Variants in IRAK4 observed in about 807,000 individuals in gnomAD.
The protein encoded by IRAK4 is interleukin 1 receptor associated kinase 4.
IRAK4 carries 44 observed loss-of-function variants against 51.8 expected under a neutral mutation model. The ratio of observed to expected loss-of-function variants is 0.85; its 90% CI spans 0.67 to 1.09. The LOEUF (loss-of-function observed/expected upper bound fraction) is 1.09, where lower values mean the gene tolerates loss of function less well. Among genes scored for constraint, IRAK4 ranks in the 50% least tolerant of loss-of-function variants. IRAK4 has a pLI of 0.00. For synonymous variants in IRAK4, 149 were observed against 174.1 expected (o/e 0.86, Z 1.13); for missense variants, 487 against 538.0 (o/e 0.91, Z 0.94).
At chr12:43,770,502 A>G (rs4238087) in intron 2 of IRAK4, among the ~76,000 whole-genome samples, 15,408 of 152,242 alleles carry the variant, frequency 0.1, 972 homozygotes, top group Middle Eastern at 0.19. Context: ...TAGTAAATTC[A>G]TATGATAATC....
chr12:43,780,414 A>T (rs929429594), intron 8 of IRAK4, among the ~76,000 whole-genome samples: 1 of 151,946 alleles, frequency 6.6e-6, no homozygotes, highest in Non-Finnish European at 1.5e-5. Flanking sequence ...TGGAAGAGAG[A>T]AATGAGATGA....
In IRAK4 at chr12:43,786,960, A is replaced by G. The variant is rs187201106; in HGVS notation, c.*245A>G. On this transcript the variant is annotated 3_prime_UTR_variant, in exon 12 of 12. Coordinates refer to ENST00000613694, the MANE Select transcript of IRAK4 (RefSeq NM_016123.4). ...AATCCCTGAGAAATCTCCTTCAAGC[A>G]TCACCAAACACAGTTTGAAAATTAC... is the stretch of plus-strand genomic sequence containing the variant. 3.7e-6 allele frequency: 2 copies of G among 535,040 alleles called. No individual in the cohort carries two copies. The highest frequency in any genetic ancestry group is 6.2e-5 in the East Asian group (2 of 32,040). 33.1% of individuals were successfully genotyped at this position (535,040 alleles called of 1,614,324 possible).
intron 1 of IRAK4, among the ~76,000 whole-genome samples, chr12:43,759,979 G>C (rs1193213946): frequency 2.0e-5 from 3 of 151,994 alleles, no homozygotes; most frequent in African/African-American, 7.2e-5. Context: ...AACTGCCCAA[G>C]GCCCCTGGTA....
intron 2 of IRAK4, 136 bp from the exon 3 acceptor site, chr12:43,771,084 G>T: frequency 1.2e-6 from 1 of 802,974 alleles, no homozygotes; most frequent in South Asian, 1.5e-5. Flanking sequence ...CTCGATCTTG[G>T]ACTTCCCAGC....
intron 10 of IRAK4, 80 bp from the exon 11 acceptor site, chr12:43,786,319 A>C: frequency 2.3e-6 from 2 of 866,336 alleles, no homozygotes; most frequent in Middle Eastern, 3.9e-4. Context: ...AAAGTAGATT[A>C]ATTTAAATAA....
At chr12:43,768,317 T>C (rs768334745) in intron 2 of IRAK4, 45 bp downstream of exon 2, 1 of 1,411,496 alleles carries the variant, frequency 7.1e-7, no homozygotes, top group African/African-American at 1.4e-5. Flanking sequence ...TACATCACAA[T>C]ATGGAATGAT....
chr12:43,780,369 T>G (rs1045763978), intron 8 of IRAK4, among the ~76,000 whole-genome samples: 1 of 152,072 alleles, frequency 6.6e-6, no homozygotes, highest in East Asian at 1.9e-4. Flanking sequence ...TATGTGCCTA[T>G]AGGAAGGATC....
At chr12:43,779,805 A>G (rs749096580) in intron 8 of IRAK4, among the ~76,000 whole-genome samples, 1 of 152,172 alleles carries the variant, frequency 6.6e-6, no homozygotes, top group African/African-American at 2.4e-5. Flanking sequence ...TTTAAGATGT[A>G]GTAGTAGAGA....
rs1942411449 is a variant in IRAK4 at position 43,789,313 on chromosome 12, C to T, written c.*2598C>T. The T allele has an allele frequency of 6.6e-6, 1 of 152,118 alleles. No individual in the cohort carries two copies. Among genetic ancestry groups the T allele is most frequent in the Non-Finnish European group, 1.5e-5 (1 of 68,038 alleles). 9.4% of individuals were successfully genotyped at this position (152,118 alleles called of 1,614,324 possible). A position where few individuals can be genotyped will look rare whatever the true frequency, so the allele number is the denominator to read the frequency against. ...TGGTGGCTTAAAAGAGTCTGCTCCCCCTTTGCCTTCCATTGTGATTGTAAC... is the reference window on the plus strand; with the variant it reads ...TGGTGGCTTAAAAGAGTCTGCTCCCTCTTTGCCTTCCATTGTGATTGTAAC... On this transcript the variant is annotated 3_prime_UTR_variant, in exon 12 of 12. Coordinates refer to ENST00000613694, the MANE Select transcript of IRAK4 (RefSeq NM_016123.4).
chr12:43,778,728 A>C (rs1941518427), intron 8 of IRAK4, among the ~76,000 whole-genome samples: 1 of 151,978 alleles, frequency 6.6e-6, no homozygotes, highest in Non-Finnish European at 1.5e-5. Flanking sequence ...ACATCAATCA[A>C]ATAAGCACAA....
intron 8 of IRAK4, among the ~76,000 whole-genome samples, chr12:43,778,822 T>C (rs1240192623): frequency 6.6e-6 from 1 of 151,948 alleles, no homozygotes; most frequent in Non-Finnish European, 1.5e-5. Context: ...AGGATTAATA[T>C]AAAGAAGGGT....
At chr12:43,770,736 T>C (rs1000991467) in intron 2 of IRAK4, among the ~76,000 whole-genome samples, 1 of 152,166 alleles carries the variant, frequency 6.6e-6, no homozygotes, top group Non-Finnish European at 1.5e-5. Flanking sequence ...TATTTTCATA[T>C]GACCTCAGTT....
At chr12:43,759,512 A>G (rs1367418904) in intron 1 of IRAK4, 2 of 152,348 alleles carry the variant, frequency 1.3e-5, no homozygotes, top group Non-Finnish European at 2.9e-5. Context: ...AGATGAGTAC[A>G]TTCGCAGATG....
intron 10 of IRAK4, among the ~76,000 whole-genome samples, chr12:43,785,566 G>T (rs562036131): frequency 4.7e-4 from 71 of 150,284 alleles, no homozygotes; most frequent in South Asian, 2.1e-3. Context: ...AAGGCAAATG[G>T]GTGGAAGTAT....
rs773708174 is a variant in IRAK4, at chr12:43,777,698, A to G, written c.785A>G (p.Tyr262Cys). Residue 262 changes from tyrosine (Y) to cysteine (C), a missense_variant, in exon 7 of 12, where the codon TAT becomes TGT. Coordinates refer to ENST00000613694, the MANE Select transcript of IRAK4 (RefSeq NM_016123.4). ...SSDGDDLCLV[Y>C]VYMPNGSLLD... ...GATGGAGATGACCTCTGCTTAGTAT[A>G]TGTTTACATGCCTAATGGTTCATTG... 3 of 1,613,340 alleles carry G rather than the reference A, an allele frequency of 1.9e-6. No homozygotes were observed. The highest frequency in any genetic ancestry group is 1.7e-6 in the Non-Finnish European group (2 of 1,179,576).
At chr12:43,760,377 C>A (rs1939388144) in intron 1 of IRAK4, among the ~76,000 whole-genome samples, 2 of 152,220 alleles carry the variant, frequency 1.3e-5, no homozygotes, top group Admixed American at 1.3e-4. Flanking sequence ...ACTCCAACAT[C>A]CTTTATTCCC....
chr12:43,773,096 A>G (rs1331748776), intron 5 of IRAK4, 24 bp downstream of exon 5: 1 of 1,608,260 alleles, frequency 6.2e-7, no homozygotes, highest in Non-Finnish European at 8.5e-7. Flanking sequence ...TCAGGAATAA[A>G]AAGAAAGAGT....
At chr12:43,780,499 G>A (rs538624837) in intron 8 of IRAK4, among the ~76,000 whole-genome samples, 5 of 151,788 alleles carry the variant, frequency 3.3e-5, no homozygotes, top group South Asian at 4.2e-4. Flanking sequence ...GAAAAGAAAC[G>A]CCATCTCCTA....
At chr12:43,785,358 T>A (rs1942114895) in intron 10 of IRAK4, among the ~76,000 whole-genome samples, 1 of 151,914 alleles carries the variant, frequency 6.6e-6, no homozygotes, top group East Asian at 1.9e-4. Flanking sequence ...TTTCCCCTCC[T>A]TTTTTCTCTT....
Sources: gnomAD v4.1 joint callset for allele counts (sites outside exome capture counted in the v4.1 genomes callset) on GRCh38, gnomAD v4.1.1 for gene constraint, MANE v1.5 for transcripts, NCBI Gene and HGNC (gene_info 2026-07-23, HGNC 2026-07-21) for gene names.